SCMH1: variants seen among roughly 807,000 people sequenced by gnomAD.
SCMH1 encodes the protein Scm polycomb group protein homolog 1, also known as polycomb protein SCMH1.
A neutral mutation model predicts 70.8 loss-of-function variants in SCMH1; 37 were observed. The observed-to-expected ratio is 0.52, with a 90% confidence interval of 0.40 to 0.69. SCMH1 has a LOEUF of 0.69. Among genes scored for constraint, SCMH1 ranks in the 30% least tolerant of loss-of-function variants. The pLI is 0.00. For missense variants in SCMH1, 607 were observed against 827.3 expected (o/e 0.73, Z 3.27); for synonymous variants, 292 against 307.4 (o/e 0.95, Z 0.52).
chr1:41,234,450 C>T (rs1464297146), intron 1 of SCMH1, among the ~76,000 whole-genome samples: 3 of 136,518 alleles, frequency 2.2e-5, no homozygotes, highest in East Asian at 4.3e-4. Flanking sequence ...AGCAACTCTG[C>T]CTCTTTTTTT....
At chr1:41,235,594 A>C in intron 1 of SCMH1, among the ~76,000 whole-genome samples, 1 of 148,642 alleles carries the variant, frequency 6.7e-6, no homozygotes, top group Admixed American at 6.6e-5. Flanking sequence ...AAAAAAAAAA[A>C]AAGAAAAGTT....
intron 10 of SCMH1, among the ~76,000 whole-genome samples, chr1:41,057,098 C>T (rs1230084047): frequency 6.6e-6 from 1 of 152,114 alleles, no homozygotes; most frequent in Non-Finnish European, 1.5e-5. Flanking sequence ...CCATTCTATC[C>T]AACCCAAAGA....
intron 1 of SCMH1, among the ~76,000 whole-genome samples, chr1:41,204,996 T>C (rs1016786253): frequency 1.3e-5 from 2 of 152,220 alleles, no homozygotes; most frequent in Admixed American, 1.3e-4. Flanking sequence ...GGATGGCTTA[T>C]AATTACAACC....
At chr1:41,078,681 C>A (rs1049571144) in intron 8 of SCMH1, among the ~76,000 whole-genome samples, 3 of 152,156 alleles carry the variant, frequency 2.0e-5, no homozygotes, top group South Asian at 4.2e-4. Context: ...GAATTATACA[C>A]CCAGTGAAAA....
At chr1:41,062,111 T>C (rs528806858) in intron 10 of SCMH1, among the ~76,000 whole-genome samples, 1 of 151,908 alleles carries the variant, frequency 6.6e-6, no homozygotes, top group Admixed American at 6.6e-5. Context: ...AGTGATCCAC[T>C]GGCCTCAGAC....
At chr1:41,092,697 CA>C (rs1372137514) in intron 8 of SCMH1, among the ~76,000 whole-genome samples, 1 of 152,128 alleles carries the variant, frequency 6.6e-6, no homozygotes, top group Non-Finnish European at 1.5e-5. Flanking sequence ...ATAACCCCAT[CA>C]AAAAGTGGGC....
intron 6 of SCMH1, among the ~76,000 whole-genome samples, chr1:41,119,438 C>CA (rs140951721): frequency 0.18 from 15,335 of 85,080 alleles, 1,106 homozygotes; most frequent in East Asian, 0.37. Context: ...CCCTTTAGGG[C>CA]AAAAAAAAAA....
At chr1:41,043,427 T>G (rs980767976) in intron 12 of SCMH1, 20 of 137,004 alleles carry the variant, frequency 1.5e-4, no homozygotes, top group African/African-American at 5.1e-4. Context: ...ATTTCATTAG[T>G]TTTTTTTTTT....
chr1:41,165,342 C>T (rs890065079), intron 2 of SCMH1, among the ~76,000 whole-genome samples: 7 of 152,040 alleles, frequency 4.6e-5, no homozygotes, highest in African/African-American at 1.2e-4. Context: ...GCAATGAATA[C>T]GGGCATGCAG....
intron 5 of SCMH1, among the ~76,000 whole-genome samples, chr1:41,146,378 A>T (rs1446359278): frequency 1.3e-5 from 2 of 152,182 alleles, no homozygotes; most frequent in South Asian, 2.1e-4. Flanking sequence ...AAAAATTTTT[A>T]AATAAATTTA....
At chr1:41,149,829 G>C (rs1316387543) in intron 5 of SCMH1, among the ~76,000 whole-genome samples, 1 of 152,190 alleles carries the variant, frequency 6.6e-6, no homozygotes, top group South Asian at 2.1e-4. Flanking sequence ...CCCTGTGTGA[G>C]TGCCAGGTTC....
chr1:41,167,071 A>C (rs915019846), intron 2 of SCMH1, among the ~76,000 whole-genome samples: 5 of 152,104 alleles, frequency 3.3e-5, no homozygotes, highest in Non-Finnish European at 5.9e-5. Flanking sequence ...GAATTTTGTC[A>C]AATGCATTTT....
rs9438950 is a variant in SCMH1, at chr1:41,046,933, T to C, written c.1307-335A>G. On this transcript the variant is annotated intron_variant, in intron 11 of 14. Transcript: ENST00000337495. ...GGACCTCCCCCAGGAAATCTGCTCA[T>C]TTAGGGTGCTATTTTCACAAGAACT... 1.1e-3 allele frequency among the ~76,000 whole-genome samples: 172 copies of C among 152,302 alleles called. 1 individual carries two copies. The highest frequency in any genetic ancestry group is 3.9e-3 in the African/African-American group (164 of 41,558).
chr1:41,192,541 C>T (rs1439282101), intron 1 of SCMH1, among the ~76,000 whole-genome samples: 2 of 142,732 alleles, frequency 1.4e-5, no homozygotes, highest in African/African-American at 5.0e-5. Flanking sequence ...AGAACAGTAC[C>T]TGGCACATAG....
intron 1 of SCMH1, among the ~76,000 whole-genome samples, chr1:41,187,813 C>CAA (rs112850018): frequency 1.2e-4 from 16 of 137,304 alleles, no homozygotes; most frequent in Non-Finnish European, 1.2e-4. Context: ...CCCATCTCTA[C>CAA]AAAAAAAAAA....
At chr1:41,148,872 G>A (rs1572618857) in intron 5 of SCMH1, among the ~76,000 whole-genome samples, 1 of 152,158 alleles carries the variant, frequency 6.6e-6, no homozygotes, top group East Asian at 1.9e-4. Context: ...CTCACTGCAA[G>A]CTCCGCCTCC....
intron 8 of SCMH1, among the ~76,000 whole-genome samples, chr1:41,100,471 G>C (rs72949745): frequency 6.0e-4 from 92 of 152,142 alleles, no homozygotes; most frequent in African/African-American, 2.2e-3. Context: ...GTAACGTAAA[G>C]CATCTACCAT....
intron 8 of SCMH1, among the ~76,000 whole-genome samples, chr1:41,105,073 A>C (rs961487579): frequency 6.6e-5 from 10 of 151,672 alleles, no homozygotes; most frequent in African/African-American, 2.4e-4. Context: ...CTCCTGCTTC[A>C]ATATCCGAAG....
chr1:41,063,577 AC>A lies in SCMH1; in HGVS notation c.1105+7017del, dbSNP rs1312968687. Among the ~76,000 whole-genome samples the A allele has an allele frequency of 2.7e-4, 41 of 152,196 alleles. No homozygotes were observed. In the East Asian group the frequency reaches 4.0e-3, roughly 15 times the overall value. On this transcript the variant is annotated intron_variant, in intron 10 of 14. Transcript: ENST00000337495. ...CCAGGCTAACTAAACAAACAAACAA[AC>A]AAACAAAAAAACAAAACAAACAACC...
Sources: allele counts gnomAD v4.1 joint callset (sites outside exome capture counted in the v4.1 genomes callset), GRCh38; gene constraint gnomAD v4.1.1; transcripts MANE v1.5; gene names NCBI Gene and HGNC (gene_info 2026-07-23, HGNC 2026-07-21).